The following MYO16 variants were observed in gnomAD, a reference collection of about 807,000 sequenced individuals.
The protein encoded by MYO16 is unconventional myosin-XVI.
In MYO16, 94 loss-of-function variants were observed where a neutral mutation model predicts 205.3. The observed-to-expected ratio is 0.46, with a 90% CI of 0.39 to 0.54. MYO16 has a LOEUF of 0.54. Ranked by LOEUF, MYO16 falls within the 20% of genes least tolerant of loss-of-function variation. The pLI, the probability that MYO16 is intolerant of heterozygous loss-of-function variation, is 0.00. For synonymous variants in MYO16, 988 were observed against 954.0 expected (o/e 1.04, Z -0.66); for missense variants, 2,315 against 2,387.5 (o/e 0.97, Z 0.63).
rs1324866169 is a variant in MYO16 at position 108,934,926 on chromosome 13, G to A, written c.1926-22762G>A. ...TTTGCTGACTTTGTTGAGATTAGAT[G>A]ACGGTGGTTAAGTGGCTATATTTCT... On this transcript the variant is annotated intron_variant, in intron 16 of 34. Coordinates refer to ENST00000457511, the MANE Select transcript of MYO16 (RefSeq NM_001198950.3). Among the ~76,000 whole-genome samples, 7 of 152,106 alleles carry A rather than the reference G, an allele frequency of 4.6e-5. No homozygotes were observed. The South Asian group carries it at 1.5e-3, about 32-fold the overall frequency.
intron 20 of MYO16, 57 bp from the exon 21 acceptor site, chr13:108,992,319 G>T (rs1884863588): frequency 2.4e-6 from 3 of 1,236,360 alleles, no homozygotes; most frequent in Non-Finnish European, 2.3e-6. Flanking sequence ...AATGAAAAGA[G>T]GGTCATGAAG....
rs112214575 is a variant in MYO16 at position 109,039,870 on chromosome 13, G to A, written c.2797-7046G>A. Among the ~76,000 whole-genome samples the A allele has an allele frequency of 2.5e-3, 373 of 151,986 alleles. 1 individual carries two copies. Among genetic ancestry groups the A allele is most frequent in the Admixed American group, 4.0e-3 (61 of 15,262 alleles). Reference sequence around the variant, plus strand: ...AATCAATGGAATTAGAAAAAAAGGAGAAAATCAATGAAACAAAGAGCTGGT... The same window carrying A: ...AATCAATGGAATTAGAAAAAAAGGAAAAAATCAATGAAACAAAGAGCTGGT... On this transcript the variant is annotated intron_variant, in intron 23 of 34. Coordinates refer to ENST00000457511, the MANE Select transcript of MYO16 (RefSeq NM_001198950.3).
intron 16 of MYO16, among the ~76,000 whole-genome samples, chr13:108,921,638 A>G (rs1041672602): frequency 6.6e-6 from 1 of 152,242 alleles, no homozygotes; most frequent in African/African-American, 2.4e-5. Flanking sequence ...CGAATCTTCC[A>G]TGACTGCAGC....
chr13:108,796,816 A>T (rs7988167), intron 6 of MYO16, among the ~76,000 whole-genome samples: 38,755 of 128,608 alleles, frequency 0.3, 6,916 homozygotes, highest in Middle Eastern at 0.38. Context: ...TACCTAATGT[A>T]AAATGACGAG....
At chr13:109,083,276 G>A (rs1180070047) in intron 27 of MYO16, among the ~76,000 whole-genome samples, 9 of 150,792 alleles carry the variant, frequency 6.0e-5, no homozygotes, top group African/African-American at 1.5e-4. Flanking sequence ...CCAGCTACTC[G>A]GGAGGCTGAG....
the MYO16 span, among the ~76,000 whole-genome samples, chr13:108,589,166 ACCAACTTAT>A: frequency 3.3e-5 from 5 of 152,300 alleles, no homozygotes; most frequent in Non-Finnish European, 5.9e-5. Flanking sequence ...AATTTTTAAT[ACCAACTTAT>A]TTTTTCTCAA....
the MYO16 span, among the ~76,000 whole-genome samples, chr13:108,497,406 T>C: frequency 1.3e-3 from 203 of 152,356 alleles, 1 homozygote; most frequent in African/African-American, 4.5e-3. Flanking sequence ...CTTAACACTA[T>C]GACATGTGAT....
chr13:108,672,750 A>C (rs2139448688), intron 2 of MYO16, among the ~76,000 whole-genome samples: 1 of 152,284 alleles, frequency 6.6e-6, no homozygotes, highest in African/African-American at 2.4e-5. Flanking sequence ...CGCCACATGA[A>C]AGAAAAGGGA....
chr13:108,904,133 A>G (rs1273583439), intron 15 of MYO16, among the ~76,000 whole-genome samples: 1 of 152,192 alleles, frequency 6.6e-6, no homozygotes, highest in African/African-American at 2.4e-5. Flanking sequence ...TACCAGGCTC[A>G]GCTTTATGAA....
intron 20 of MYO16, among the ~76,000 whole-genome samples, chr13:108,973,805 G>C (rs1884144922): frequency 6.6e-6 from 1 of 152,332 alleles, no homozygotes; most frequent in South Asian, 2.1e-4. Context: ...TAATAAGATT[G>C]TAACAAGCAA....
chr13:108,671,482 T>C (rs1881987086), intron 2 of MYO16, among the ~76,000 whole-genome samples: 1 of 152,190 alleles, frequency 6.6e-6, no homozygotes, highest in Admixed American at 6.5e-5. Context: ...TTTCCATTAC[T>C]AATGGAAGCA....
intron 34 of MYO16, among the ~76,000 whole-genome samples, chr13:109,194,191 T>C (rs1880049899): frequency 6.6e-6 from 1 of 152,200 alleles, no homozygotes; most frequent in African/African-American, 2.4e-5. Context: ...GGTCAGATTG[T>C]GTGCATCTGG....
In MYO16 at chr13:108,796,164, A is replaced by G. The variant is rs1187594711; in HGVS notation, c.741+2524A>G. Among the ~76,000 whole-genome samples the G allele has an allele frequency of 2.6e-5, 4 of 152,176 alleles. No homozygotes were observed. The East Asian group carries it at 7.7e-4, about 29-fold the overall frequency. On this transcript the variant is annotated intron_variant, in intron 6 of 34. Transcript: ENST00000457511. ...GGCTATGACTCTGCATGGGATGGGA[A>G]GACAGTGGGAAGTTCAGAAGAGAGG... is the stretch of plus-strand genomic sequence containing the variant.
chr13:108,757,667 C>T (rs1885466237), intron 4 of MYO16, among the ~76,000 whole-genome samples: 2 of 151,932 alleles, frequency 1.3e-5, no homozygotes, highest in South Asian at 4.2e-4. Context: ...GTGTGATGTT[C>T]CCCTTCCTGT....
Position 109,052,425 on chromosome 13 carries a change from A to G in MYO16, c.2998A>G (p.Thr1000Ala). The change falls in exon 25 of 35, where the codon ACA becomes GCA. Residue 1000 changes from threonine to alanine, a missense_variant. Around this residue, in one of 3 missense-constraint regions of MYO16, gnomAD observed 1,213 missense variants for 1,274.4 expected, o/e 0.95. Coordinates refer to ENST00000457511, the MANE Select transcript of MYO16 (RefSeq NM_001198950.3). ...GTCTGCCCTGCTCAGTAAGAAAATG[A>G]CAGCTTCTTCAATTATTGGAGAAAA... ...HKSALLSKKMTASSIIGENKN... is the reference protein window; with the variant it reads ...HKSALLSKKMAASSIIGENKN... The G allele has an allele frequency of 6.2e-7, 1 of 1,612,370 alleles. No individual in the cohort carries two copies. The highest frequency in any genetic ancestry group is 8.5e-7 in the Non-Finnish European group (1 of 1,178,754).
At chr13:108,659,299 T>C (rs1881391365) in intron 1 of MYO16, 1 of 228,388 alleles carries the variant, frequency 4.4e-6, no homozygotes, top group Non-Finnish European at 8.4e-6. Flanking sequence ...ATATATCATA[T>C]TATATACATA....
chr13:108,600,580 A>G (rs1878726545), intron 1 of MYO16, among the ~76,000 whole-genome samples: 1 of 152,194 alleles, frequency 6.6e-6, no homozygotes, highest in African/African-American at 2.4e-5. Flanking sequence ...ATAGTTCCCT[A>G]GGAGAGAAGC....
chr13:108,712,513 T>C lies in MYO16; in HGVS notation c.293-148T>C, dbSNP rs1057454326. The C allele has an allele frequency of 1.1e-5, 8 of 698,670 alleles. No homozygotes were observed. The African/African-American group carries it at 1.3e-4, about 11-fold the overall frequency. 43.3% of individuals were successfully genotyped at this position (698,670 alleles called of 1,614,324 possible). On this transcript the variant is annotated intron_variant, in intron 2 of 34. Coordinates refer to ENST00000457511, the MANE Select transcript of MYO16 (RefSeq NM_001198950.3). ...TGACAAGAAACACCACCAATCATCATAATAAATAGGGTCAGATGGCACAGA... is the reference window on the plus strand; with the variant it reads ...TGACAAGAAACACCACCAATCATCACAATAAATAGGGTCAGATGGCACAGA...
intron 33 of MYO16, among the ~76,000 whole-genome samples, chr13:109,177,707 G>A (rs1594162174): frequency 6.6e-6 from 1 of 152,108 alleles, no homozygotes; most frequent in Admixed American, 6.5e-5. Flanking sequence ...AGTAGAGATG[G>A]GATTTCACCG....
Sources: gnomAD v4.1 joint callset for allele counts (sites outside exome capture counted in the v4.1 genomes callset) on GRCh38, gnomAD v4.1.1 for gene constraint, gnomAD v4.1.1 regional missense constraint, MANE v1.5 for transcripts, NCBI Gene and HGNC (gene_info 2026-07-23, HGNC 2026-07-21) for gene names.